RRH: variants seen among roughly 807,000 people sequenced by gnomAD.
RRH encodes the protein visual pigment-like receptor peropsin.
RRH carries 36 observed loss-of-function variants against 33.1 expected under a neutral mutation model. The observed-to-expected ratio is 1.09, with a 90% CI of 0.83 to 1.44. The LOEUF is 1.44. Among genes scored for constraint, RRH ranks in the 40% most tolerant of loss-of-function variants. RRH has a pLI of 0.00. For missense variants in RRH, 393 were observed against 420.2 expected, an observed-to-expected ratio of 0.94 and a Z score of 0.57; for synonymous variants, 124 against 140.2, an observed-to-expected ratio of 0.88 and a Z score of 0.82.
intron 5 of RRH, among the ~76,000 whole-genome samples, chr4:109,841,221 T>C (rs966385034): frequency 2.0e-5 from 3 of 152,100 alleles, no homozygotes; most frequent in African/African-American, 7.2e-5. Flanking sequence ...ACTGTCTAGG[T>C]AACTATATCT....
intron 1 of RRH, among the ~76,000 whole-genome samples, chr4:109,830,793 C>T (rs752129201): frequency 1.3e-5 from 2 of 151,922 alleles, no homozygotes; most frequent in Non-Finnish European, 2.9e-5. Flanking sequence ...GGACAATGCA[C>T]ATATTTAATA....
chr4:109,843,498 C>T (rs760502560), intron 6 of RRH, among the ~76,000 whole-genome samples: 3 of 152,182 alleles, frequency 2.0e-5, no homozygotes, highest in Non-Finnish European at 2.9e-5. Context: ...CGTGAGCCAC[C>T]GCGTCCAGCC....
intron 3 of RRH, among the ~76,000 whole-genome samples, chr4:109,835,702 C>T (rs1733866835): frequency 6.6e-6 from 1 of 152,170 alleles, no homozygotes; most frequent in Non-Finnish European, 1.5e-5. Context: ...GTTTTCATAC[C>T]TGCTGTTTTG....
intron 5 of RRH, among the ~76,000 whole-genome samples, chr4:109,840,036 A>G (rs1324431874): frequency 3.3e-5 from 5 of 152,206 alleles, no homozygotes. Flanking sequence ...TCTTTGAGGA[A>G]TTGCCACACA....
intron 5 of RRH, among the ~76,000 whole-genome samples, chr4:109,838,109 T>C (rs191932272): frequency 7.2e-5 from 11 of 152,310 alleles, no homozygotes; most frequent in Admixed American, 1.3e-4. Flanking sequence ...AATGATATGC[T>C]GTTTGCTCTT....
chr4:109,842,981 C>T (rs1001758211), intron 6 of RRH, among the ~76,000 whole-genome samples: 1 of 152,090 alleles, frequency 6.6e-6, no homozygotes, highest in African/African-American at 2.4e-5. Flanking sequence ...GTTACCCCCA[C>T]CCCAAATACA....
intron 5 of RRH, among the ~76,000 whole-genome samples, chr4:109,839,922 TA>T (rs1342338210): frequency 6.6e-6 from 1 of 152,208 alleles, no homozygotes; most frequent in Non-Finnish European, 1.5e-5. Context: ...AGTGCTGCAA[TA>T]AACATACATG....
At position 109,837,371 on chromosome 4, in the gene RRH, C is replaced by T. The variant is rs1361765071; in HGVS notation, c.552-66C>T. Reference sequence around the variant, plus strand: ...CCAGTATTGTTTTTAATAATTATCTCCTCTTTCTCCTTCCCCCACTTAGGA... The same window carrying T: ...CCAGTATTGTTTTTAATAATTATCTTCTCTTTCTCCTTCCCCCACTTAGGA... On this transcript the variant is annotated intron_variant, in intron 4 of 6. Transcript: ENST00000317735. The T allele has an allele frequency of 1.0e-5, 13 of 1,292,508 alleles. No homozygotes were observed. In the East Asian group the frequency reaches 2.1e-4, roughly 21 times the overall value. 80.1% of individuals were successfully genotyped at this position (1,292,508 alleles called of 1,614,324 possible).
chr4:109,828,074 A>T lies in RRH; in HGVS notation c.47A>T (p.Asp16Val). 6.2e-7 allele frequency: 1 copy of T among 1,612,990 alleles called. No homozygotes were observed. Among genetic ancestry groups the T allele is most frequent in the Non-Finnish European group, 8.5e-7 (1 of 1,179,080 alleles). Residue 16 changes from aspartate to valine, a missense_variant, in exon 1 of 7, where the codon GAT becomes GTT. Coordinates refer to ENST00000317735, the MANE Select transcript of RRH (RefSeq NM_006583.5). The part of the protein sequence containing the change: ...LGNSSDSKNE[D>V]GSVFSQTEHN... ...AACAGTTCAGACTCTAAAAATGAAGATGGCTCGGTCTTTTCACAGACTGAA... is the reference window on the plus strand; with the variant it reads ...AACAGTTCAGACTCTAAAAATGAAGTTGGCTCGGTCTTTTCACAGACTGAA...
intron 5 of RRH, among the ~76,000 whole-genome samples, chr4:109,842,224 A>G (rs1251406407): frequency 6.6e-6 from 1 of 152,148 alleles, no homozygotes. Flanking sequence ...TGTGTGTACC[A>G]TTCTTAAAAG....
In RRH at chr4:109,835,387, T is replaced by G. The variant is rs1246232175; in HGVS notation, c.319T>G (p.Phe107Val). 14 of 1,613,994 alleles carry G rather than the reference T, an allele frequency of 8.7e-6. No individual in the cohort carries two copies. The highest frequency in any genetic ancestry group is 1.2e-5 in the Non-Finnish European group (14 of 1,179,974). ...TCAGGTTTATGCTGGATTGAATATT[T>G]TTTTTGGAATGGCAAGCATTGGATT... ...GCQVYAGLNIFFGMASIGLLT... is the reference protein window; with the variant it reads ...GCQVYAGLNIVFGMASIGLLT... The change falls in exon 3 of 7, where the codon TTT (phenylalanine) becomes GTT (valine). Residue 107 changes from phenylalanine to valine, a missense_variant. Coordinates refer to ENST00000317735, the MANE Select transcript of RRH (RefSeq NM_006583.5).
chr4:109,830,059 T>C, intron 1 of RRH, among the ~76,000 whole-genome samples: 1 of 152,316 alleles, frequency 6.6e-6, no homozygotes. Flanking sequence ...ATTTTTAATT[T>C]GATCTTTCAT....
rs1340266946 is a variant in RRH, at chr4:109,833,191, C to G, written c.159C>G (p.Tyr53Ter). 1.2e-6 allele frequency: 2 copies of G among 1,613,862 alleles called. No individual in the cohort carries two copies. ...NIIVLGIFIK[Y>*]KELRTPTNAI... Reference sequence around the variant, plus strand: ...TAGTTCTGGGCATCTTCATTAAGTACAAGGAACTTCGGACACCCACAAATG... The same window carrying G: ...TAGTTCTGGGCATCTTCATTAAGTAGAAGGAACTTCGGACACCCACAAATG... Residue 53 changes from tyrosine (Y) to a stop codon, truncating the protein, a stop_gained, in exon 2 of 7, where the codon TAC (tyrosine) becomes TAG (stop). Transcript: ENST00000317735. LOFTEE classifies it high-confidence loss of function.
At chr4:109,832,533 T>TGTGTGTGTGTGTGTGTGTG (rs1286881723) in intron 1 of RRH, among the ~76,000 whole-genome samples, 1 of 143,356 alleles carries the variant, frequency 7.0e-6, no homozygotes, top group African/African-American at 2.6e-5. Flanking sequence ...TGTGTGTGTG[T>TGTGTGTGTGTGTGTGTGTG]TGGAATGAAG....
rs115869883 is a variant in RRH at position 109,831,805 on chromosome 4, G to C, written c.107-1334G>C. 8.5e-3 allele frequency among the ~76,000 whole-genome samples: 1,294 copies of C among 152,254 alleles called. 10 individuals carry two copies. The highest frequency in any genetic ancestry group is 0.015 in the Non-Finnish European group (1,006 of 68,022). ...AATTTGGATTGTTATCCCACAGCCA[G>C]TGGGAAATACTACAAGTTTTCGGGA... On this transcript the variant is annotated intron_variant, in intron 1 of 6. Transcript: ENST00000317735.
intron 5 of RRH, among the ~76,000 whole-genome samples, chr4:109,839,382 A>G (rs561899632): frequency 7.9e-5 from 12 of 152,344 alleles, no homozygotes; most frequent in African/African-American, 2.9e-4. Context: ...GCCTGATAAT[A>G]TCATACAACC....
At chr4:109,834,821 G>A (rs36101562) in intron 2 of RRH, among the ~76,000 whole-genome samples, 32,633 of 152,006 alleles carry the variant, frequency 0.21, 4,292 homozygotes, top group East Asian at 0.43. Flanking sequence ...TAGTTATTCA[G>A]ATTATGAGAA....
At chr4:109,840,414 G>A (rs936701221) in intron 5 of RRH, among the ~76,000 whole-genome samples, 5 of 151,914 alleles carry the variant, frequency 3.3e-5, no homozygotes, top group Non-Finnish European at 7.4e-5. Context: ...CCATTCTGTC[G>A]GTTGTCTGTT....
intron 6 of RRH, 122 bp downstream of exon 6, chr4:109,842,769 T>C (rs1326515521): frequency 1.2e-6 from 1 of 868,310 alleles, no homozygotes; most frequent in East Asian, 2.6e-5. Context: ...ATTTGCCTCA[T>C]GTGACTGGAG....
Sources: allele counts gnomAD v4.1 joint callset (sites outside exome capture counted in the v4.1 genomes callset), GRCh38; gene constraint gnomAD v4.1.1; transcripts MANE v1.5; gene names NCBI Gene and HGNC (gene_info 2026-07-23, HGNC 2026-07-21).